Variants in PIP4K2A observed in about 807,000 individuals in gnomAD.
PIP4K2A encodes phosphatidylinositol-5-phosphate 4-kinase type 2 alpha.
In PIP4K2A, 14 loss-of-function variants were observed where a neutral mutation model predicts 42.9. The ratio of observed to expected loss-of-function variants is 0.33; its 90% CI spans 0.22 to 0.51. The LOEUF (loss-of-function observed/expected upper bound fraction) is 0.51. Ranked by LOEUF, PIP4K2A falls within the 20% of genes least tolerant of loss-of-function variation. PIP4K2A has a pLI of 0.97. For synonymous variants in PIP4K2A, 192 were observed against 192.2 expected, an observed-to-expected ratio of 1.00 and a Z score of 0.01; for missense variants, 434 against 519.8, an observed-to-expected ratio of 0.83 and a Z score of 1.61.
chr10:22,619,059 A>G (rs1211779038), intron 1 of PIP4K2A, among the ~76,000 whole-genome samples: 2 of 136,488 alleles, frequency 1.5e-5, no homozygotes, highest in East Asian at 3.9e-4. Flanking sequence ...TTCATGTGTA[A>G]TTGTTAATTT....
chr10:22,550,517 C>A (rs1418111921), intron 7 of PIP4K2A, 142 bp downstream of exon 7: 7 of 668,638 alleles, frequency 1.0e-5, no homozygotes, highest in Non-Finnish European at 1.6e-5. Flanking sequence ...CATGAGACAC[C>A]TTCATGTCTG....
chr10:22,582,732 A>G (rs796120402), intron 4 of PIP4K2A, among the ~76,000 whole-genome samples: 3 of 152,280 alleles, frequency 2.0e-5, no homozygotes, highest in African/African-American at 7.2e-5. Flanking sequence ...AGGGAAAGGA[A>G]GGGAAGAAAG....
At chr10:22,645,500 T>C (rs1283046619) in intron 1 of PIP4K2A, among the ~76,000 whole-genome samples, 2 of 150,736 alleles carry the variant, frequency 1.3e-5, no homozygotes, top group Non-Finnish European at 1.5e-5. Flanking sequence ...GAGATACGAT[T>C]GCACCACTGT....
At chr10:22,542,806 G>A (rs1836157019) in intron 7 of PIP4K2A, among the ~76,000 whole-genome samples, 1 of 152,146 alleles carries the variant, frequency 6.6e-6, no homozygotes, top group Non-Finnish European at 1.5e-5. Flanking sequence ...TTCCAATGTT[G>A]CCATAAGATG....
chr10:22,541,779 A>C lies in PIP4K2A; in HGVS notation c.1036+25T>G, dbSNP rs768281233. 6 of 1,505,740 alleles carry C rather than the reference A, an allele frequency of 4.0e-6. No homozygotes were observed. The South Asian group carries it at 6.9e-5, about 17-fold the overall frequency. 93.3% of individuals were successfully genotyped at this position (1,505,740 alleles called of 1,614,324 possible). A position where few individuals can be genotyped will look rare whatever the true frequency, so the allele number is the denominator to read the frequency against. ...AAAGTCAAACCACTTCACATGCAAA[A>C]AGGGTCCACAGTAATCAAACTTACT... is the stretch of plus-strand genomic sequence containing the variant. On this transcript the variant is annotated intron_variant, in intron 8 of 9. Transcript: ENST00000376573.
intron 1 of PIP4K2A, among the ~76,000 whole-genome samples, chr10:22,676,398 G>C (rs1054820718): frequency 6.6e-6 from 1 of 152,126 alleles, no homozygotes; most frequent in Non-Finnish European, 1.5e-5. Flanking sequence ...GTCTTCATCA[G>C]AATTTGTAAC....
chr10:22,571,493 G>A (rs1466495129), intron 5 of PIP4K2A, among the ~76,000 whole-genome samples: 1 of 152,232 alleles, frequency 6.6e-6, no homozygotes, highest in African/African-American at 2.4e-5. Context: ...ACTGTATAAT[G>A]AAATGTGTCA....
At chr10:22,584,357 T>C (rs1465841167) in intron 4 of PIP4K2A, among the ~76,000 whole-genome samples, 1 of 151,810 alleles carries the variant, frequency 6.6e-6, no homozygotes, top group Non-Finnish European at 1.5e-5. Context: ...GAAGAGACAC[T>C]TAGGACTGGA....
At chr10:22,588,032 C>A (rs1446389618) in intron 4 of PIP4K2A, among the ~76,000 whole-genome samples, 1 of 152,124 alleles carries the variant, frequency 6.6e-6, no homozygotes, top group Non-Finnish European at 1.5e-5. Context: ...ATTCTCTGAT[C>A]ATGTAATTAA....
intron 1 of PIP4K2A, among the ~76,000 whole-genome samples, chr10:22,699,267 T>C (rs1833663944): frequency 1.3e-5 from 2 of 152,012 alleles, no homozygotes; most frequent in South Asian, 2.1e-4. Context: ...TATGAATGGG[T>C]TGTGTTCCAA....
intron 7 of PIP4K2A, among the ~76,000 whole-genome samples, chr10:22,544,273 C>T (rs774642170): frequency 6.6e-6 from 1 of 150,822 alleles, no homozygotes; most frequent in Non-Finnish European, 1.5e-5. Flanking sequence ...TTGAAAAATA[C>T]TGCATTGTAA....
intron 4 of PIP4K2A, among the ~76,000 whole-genome samples, chr10:22,591,260 G>A (rs1449320995): frequency 1.3e-5 from 2 of 152,238 alleles, no homozygotes; most frequent in African/African-American, 2.4e-5. Flanking sequence ...GGATTCGGAG[G>A]TGTAAATAGA....
At chr10:22,655,612 T>TCATC (rs1839085049) in intron 1 of PIP4K2A, among the ~76,000 whole-genome samples, 1 of 152,256 alleles carries the variant, frequency 6.6e-6, no homozygotes, top group Admixed American at 6.5e-5. Flanking sequence ...ATGGCTGAAC[T>TCATC]CATCCTGTAA....
chr10:22,562,668 C>T (rs1444936921), intron 6 of PIP4K2A, among the ~76,000 whole-genome samples: 1 of 152,210 alleles, frequency 6.6e-6, no homozygotes, highest in Non-Finnish European at 1.5e-5. Context: ...ATGGCATGAT[C>T]TCTACCGAGC....
Position 22,698,447 on chromosome 10 carries a change from C to T in PIP4K2A, c.144+15736G>A, listed in dbSNP as rs559490280. On this transcript the variant is annotated intron_variant, in intron 1 of 9. Transcript: ENST00000376573. ...CATACCCTTTGACCAAGTAAATTCCCCAAAAAGAGAATCTCTTCTAAGGAA... is the reference window on the plus strand; with the variant it reads ...CATACCCTTTGACCAAGTAAATTCCTCAAAAAGAGAATCTCTTCTAAGGAA... 1.4e-3 allele frequency among the ~76,000 whole-genome samples: 218 copies of T among 152,120 alleles called. 1 individual carries two copies. The South Asian group carries it at 0.019, about 13-fold the overall frequency.
At chr10:22,626,208 A>G (rs1293265403) in intron 1 of PIP4K2A, among the ~76,000 whole-genome samples, 5 of 152,142 alleles carry the variant, frequency 3.3e-5, no homozygotes, top group Admixed American at 6.5e-5. Flanking sequence ...CTAAATCCCA[A>G]TCTTCTATAT....
intron 7 of PIP4K2A, among the ~76,000 whole-genome samples, chr10:22,542,480 T>G (rs1311636433): frequency 6.6e-6 from 1 of 152,196 alleles, no homozygotes; most frequent in Non-Finnish European, 1.5e-5. Context: ...GAAAGCACCC[T>G]GGAATTCAGC....
At chr10:22,661,632 G>T (rs1839207792) in intron 1 of PIP4K2A, 1 of 152,110 alleles carries the variant, frequency 6.6e-6, no homozygotes, top group African/African-American at 2.4e-5. Context: ...TAACGTGCTG[G>T]GATTACTGGT....
intron 4 of PIP4K2A, among the ~76,000 whole-genome samples, chr10:22,579,371 C>T (rs1266355049): frequency 2.0e-5 from 3 of 152,110 alleles, no homozygotes; most frequent in East Asian, 1.9e-4. Flanking sequence ...GAATCACATC[C>T]GATGATTTAT....
Sources: allele counts gnomAD v4.1 joint callset (sites outside exome capture counted in the v4.1 genomes callset), GRCh38; gene constraint gnomAD v4.1.1; transcripts MANE v1.5; gene names NCBI Gene and HGNC (gene_info 2026-07-23, HGNC 2026-07-21).